Variants in PCNT observed in about 807,000 individuals in gnomAD.
The protein encoded by PCNT is pericentrin, also known as kendrin.
In PCNT, 319 loss-of-function variants were observed where a neutral mutation model predicts 380.4. The ratio of observed to expected loss-of-function variants is 0.84; its 90% CI spans 0.77 to 0.92. The LOEUF (loss-of-function observed/expected upper bound fraction) is 0.92. Among genes scored for constraint, PCNT ranks in the 40% least tolerant of loss-of-function variants. The probability of loss-of-function intolerance (pLI) is 0.00; values close to 1 mark genes in which losing one functional copy is unlikely to be tolerated. For synonymous variants in PCNT, 1,845 were observed against 1,735.2 expected (o/e 1.06, Z -1.57); for missense variants, 4,400 against 4,255.3 (o/e 1.03, Z -0.95).
chr21:46,436,120 A>C lies in PCNT; in HGVS notation c.8968A>C (p.Thr2990Pro). 6.2e-7 allele frequency: 1 copy of C among 1,609,222 alleles called. No individual in the cohort carries two copies. Among genetic ancestry groups the C allele is most frequent in the Non-Finnish European group, 8.5e-7 (1 of 1,179,800 alleles). Reference protein sequence around the residue: ...QRLLSAARLLTSFTSQAVDRT... With the variant: ...QRLLSAARLLPSFTSQAVDRT... The stretch of plus-strand genomic sequence containing the variant: ...GCTGCTCTCTGCCGCCCGGCTTCTC[A>C]CCAGCTTCACCAGCCAGGCCGTGGA... The change falls in exon 39 of 47, where the codon ACC (threonine) becomes CCC (proline). Residue 2990 changes from threonine (T) to proline (P), a missense_variant. Thr to Pro is a conservative substitution (Grantham distance 38, BLOSUM62 -1). Transcript: ENST00000359568.
At chr21:46,380,670 G>A (rs1045528139) in intron 15 of PCNT, among the ~76,000 whole-genome samples, 7 of 152,104 alleles carry the variant, frequency 4.6e-5, no homozygotes, top group African/African-American at 1.7e-4. Context: ...CCTGAAGTTT[G>A]TTCTTATGGA....
chr21:46,400,282 C>T (rs2086376479), intron 25 of PCNT, among the ~76,000 whole-genome samples: 1 of 151,964 alleles, frequency 6.6e-6, no homozygotes, highest in Admixed American at 6.6e-5. Context: ...GGCTGGAGCA[C>T]TGAGCCAGGT....
intron 21 of PCNT, among the ~76,000 whole-genome samples, chr21:46,392,647 C>T (rs1424020587): frequency 7.9e-5 from 12 of 152,216 alleles, no homozygotes; most frequent in Non-Finnish European, 1.3e-4. Context: ...CTGTGGTGCT[C>T]GTGTTGACAT....
chr21:46,428,626 C>T (rs1273929709), intron 35 of PCNT, 36 bp downstream of exon 35: 1 of 1,535,052 alleles, frequency 6.5e-7, no homozygotes, highest in Admixed American at 1.9e-5. Flanking sequence ...GGGGCCCGGC[C>T]TCTGCACCTG....
intron 2 of PCNT, among the ~76,000 whole-genome samples, chr21:46,328,776 C>CT (rs79310428): frequency 1.3e-4 from 18 of 135,746 alleles, no homozygotes; most frequent in East Asian, 2.3e-4. Context: ...GTTGCACATA[C>CT]TTTTTTTTTT....
In PCNT at chr21:46,412,946, T is replaced by C; in HGVS notation, c.6104T>C (p.Leu2035Pro). The C allele has an allele frequency of 6.2e-7, 1 of 1,611,280 alleles. No individual in the cohort carries two copies. Among genetic ancestry groups the C allele is most frequent in the South Asian group, 1.1e-5 (1 of 91,066 alleles). The change falls in exon 29 of 47, where the codon CTC (leucine) becomes CCC (proline). Residue 2035 changes from leucine (L) to proline (P), a missense_variant. Physicochemically the swap from Leu to Pro is moderately conservative, Grantham distance 98. Transcript: ENST00000359568. ...CAGAGGCAGCTGCAGTCGGAGCTGC[T>C]CTTGGTGAAAAATGAAATGCGCCTG... ...VCQRQLQSEL[L>P]LVKNEMRLSL...
At chr21:46,355,056 T>C (rs2084422282) in intron 11 of PCNT, among the ~76,000 whole-genome samples, 1 of 152,076 alleles carries the variant, frequency 6.6e-6, no homozygotes, top group Admixed American at 6.5e-5. Flanking sequence ...TAGTGGGCAG[T>C]GGTCACAGGA....
At position 46,353,253 on chromosome 21, in the gene PCNT, G is replaced by A. The variant is rs750239503; in HGVS notation, c.1606G>A (p.Glu536Lys). 23 of 1,614,172 alleles carry A rather than the reference G, an allele frequency of 1.4e-5. No individual in the cohort carries two copies. The South Asian group carries it at 2.5e-4, about 18-fold the overall frequency. Reference sequence around the variant, plus strand: ...AAGGGATGCTGAGAAAACTTACCAAGAAGACCTAACCCTGTTACAGCAGAG... The same window carrying A: ...AAGGGATGCTGAGAAAACTTACCAAAAAGACCTAACCCTGTTACAGCAGAG... ...KLRDAEKTYQ[E>K]DLTLLQQRLQ... The change falls in exon 10 of 47, where the codon GAA (glutamate) becomes AAA (lysine). Residue 536 changes from glutamate (E) to lysine (K), a missense_variant. Transcript: ENST00000359568.
rs2053569573 is a variant in PCNT at position 46,440,173 on chromosome 21, A to C, written c.9364A>C (p.Ser3122Arg). Residue 3122 changes from serine to arginine, a missense_variant, in exon 42 of 47, where the codon AGC (serine) becomes CGC (arginine). Physicochemically the swap from Ser to Arg is moderately radical, Grantham distance 110. Coordinates refer to ENST00000359568, the MANE Select transcript of PCNT (RefSeq NM_006031.6). ...CCCCGGCCGGCTTCCACCAGCTGCC[A>C]GCGAGGAAGCACACACCAGCAATGT... Reference protein sequence around the residue: ...PDPGRLPPAASEEAHTSNVKM... With the variant: ...PDPGRLPPAAREEAHTSNVKM... The C allele has an allele frequency of 6.2e-7, 1 of 1,614,034 alleles. No individual in the cohort carries two copies. Among genetic ancestry groups the C allele is most frequent in the Non-Finnish European group, 8.5e-7 (1 of 1,180,034 alleles).
intron 16 of PCNT, among the ~76,000 whole-genome samples, chr21:46,384,449 CG>C (rs2085746530): frequency 6.8e-6 from 1 of 146,206 alleles, no homozygotes. Context: ...GTGATGGAAG[CG>C]CATTCACGGT....
At chr21:46,354,093 G>C (rs751113715) in intron 11 of PCNT, 25 bp downstream of exon 11, 32 of 1,598,334 alleles carry the variant, frequency 2.0e-5, no homozygotes, top group Non-Finnish European at 2.6e-5. Context: ...GCTGAGAAGT[G>C]GGGGAGTCCT....
In PCNT at chr21:46,416,365, G is replaced by C; in HGVS notation, c.6447G>C (p.Ala2149=). 4.3e-6 allele frequency: 7 copies of C among 1,614,078 alleles called. No individual in the cohort carries two copies. The highest frequency in any genetic ancestry group is 5.9e-6 in the Non-Finnish European group (7 of 1,179,978). ...TDVIKNQAID[A]CDANTTPGGV... ...TTATCAAAAATCAGGCCATAGACGC[G>C]TGTGATGCCAATACAACCCCAGGGG... The change falls in exon 30 of 47, where the codon GCG becomes GCC. Residue 2149 remains alanine, a synonymous_variant. Transcript: ENST00000359568.
At chr21:46,408,008 T>A (rs2086670174) in intron 27 of PCNT, among the ~76,000 whole-genome samples, 1 of 152,238 alleles carries the variant, frequency 6.6e-6, no homozygotes, top group Non-Finnish European at 1.5e-5. Flanking sequence ...AAGTTTTTTG[T>A]TTTTAGACTT....
chr21:46,408,426 G>T (rs2086682964), intron 27 of PCNT, among the ~76,000 whole-genome samples: 1 of 152,204 alleles, frequency 6.6e-6, no homozygotes, highest in South Asian at 2.1e-4. Flanking sequence ...TAAACTGAAT[G>T]CATGGCTGAT....
intron 13 of PCNT, among the ~76,000 whole-genome samples, chr21:46,359,044 G>A (rs149561917): frequency 0.047 from 7,069 of 151,714 alleles, 217 homozygotes; most frequent in Non-Finnish European, 0.063. Context: ...TCCTGACCTC[G>A]TGATCCACCC....
At chr21:46,357,702 T>A (rs1262789461) in intron 13 of PCNT, among the ~76,000 whole-genome samples, 2 of 152,208 alleles carry the variant, frequency 1.3e-5, no homozygotes, top group Admixed American at 1.3e-4. Context: ...GTGCTGGGAT[T>A]ACAGGTGTGA....
chr21:46,362,300 CTG>C (rs2084749386), intron 13 of PCNT, among the ~76,000 whole-genome samples: 1 of 152,174 alleles, frequency 6.6e-6, no homozygotes, highest in Admixed American at 6.5e-5. Flanking sequence ...TTTGGGATTT[CTG>C]TGTGTGGGGC....
chr21:46,379,382 T>G (rs2085438770), intron 15 of PCNT, among the ~76,000 whole-genome samples: 1 of 152,238 alleles, frequency 6.6e-6, no homozygotes, highest in Non-Finnish European at 1.5e-5. Flanking sequence ...CTGGCTGGCC[T>G]CAAGCTTTGT....
chr21:46,423,785 G>A (rs1274434111), intron 32 of PCNT, among the ~76,000 whole-genome samples: 1 of 109,212 alleles, frequency 9.2e-6, no homozygotes, highest in Admixed American at 9.2e-5. Context: ...TGAGGAGGGG[G>A]AGGGGAGGAG....
Sources: allele counts gnomAD v4.1 joint callset (sites outside exome capture counted in the v4.1 genomes callset), GRCh38; gene constraint gnomAD v4.1.1; transcripts MANE v1.5; gene names NCBI Gene and HGNC (gene_info 2026-07-23, HGNC 2026-07-21).